Variants in HHLA2 observed in about 807,000 individuals in gnomAD.
HHLA2 encodes the protein HERV-H LTR-associating protein 2.
HHLA2 carries 48 observed loss-of-function variants against 45.9 expected under a neutral mutation model. That is an observed-to-expected ratio of 1.05 (90% CI 0.83 to 1.33). The LOEUF (loss-of-function observed/expected upper bound fraction) is 1.33. HHLA2 is among the 40% of genes most tolerant of loss of function. The pLI, the probability that HHLA2 is intolerant of heterozygous loss-of-function variation, is 0.00. For missense variants in HHLA2, 462 were observed against 494.3 expected (o/e 0.93, Z 0.62); for synonymous variants, 161 against 173.9 (o/e 0.93, Z 0.59).
chr3:108,312,817 T>C (rs1440854628), intron 2 of HHLA2, among the ~76,000 whole-genome samples: 1 of 152,232 alleles, frequency 6.6e-6, no homozygotes, highest in Non-Finnish European at 1.5e-5. Context: ...TTTCTGGCTC[T>C]GCCTCAAGGG....
exon 6 of HHLA2, chr3:108,355,258 G>A (rs201761554): frequency 6.2e-7 from 1 of 1,613,868 alleles, no homozygotes; most frequent in Non-Finnish European, 8.5e-7. Context: ...GGAAGAAACA[G>A]GGTCTTTGGA....
intron 3 of HHLA2, among the ~76,000 whole-genome samples, chr3:108,341,978 C>T (rs184669597): frequency 5.0e-4 from 76 of 152,314 alleles, no homozygotes; most frequent in Non-Finnish European, 8.1e-4. Flanking sequence ...ATGTTCTGCT[C>T]TTGCATCCAA....
At position 108,322,942 on chromosome 3, in the gene HHLA2, G is replaced by A. The variant is rs149267184; in HGVS notation, c.-104-5328G>A. 1.7e-3 allele frequency among the ~76,000 whole-genome samples: 257 copies of A among 152,130 alleles called. 1 individual carries two copies. Among genetic ancestry groups the A allele is most frequent in the Middle Eastern group, 3.4e-3 (1 of 294 alleles). The stretch of plus-strand genomic sequence containing the variant: ...GAGTACTATATGGTACAAGTTGGTG[G>A]ACTTTCACATTTTCCCATTAACTAC... On this transcript the variant is annotated intron_variant, in intron 2 of 10. Coordinates refer to ENST00000619531, the Ensembl canonical transcript of HHLA2.
chr3:108,307,352 T>A (rs2080946675), intron 1 of HHLA2, among the ~76,000 whole-genome samples: 1 of 152,126 alleles, frequency 6.6e-6, no homozygotes, highest in African/African-American at 2.4e-5. Flanking sequence ...AGAGTTCTTG[T>A]TGGCCAGGCG....
At chr3:108,353,313 T>G (rs2081814690) in intron 4 of HHLA2, 114 bp from the exon 4 acceptor site, 3 of 628,202 alleles carry the variant, frequency 4.8e-6, no homozygotes, top group Non-Finnish European at 8.1e-6. Flanking sequence ...GATTATGTGG[T>G]CTACTAATAA....
At chr3:108,345,883 T>C (rs1297715134) in intron 3 of HHLA2, among the ~76,000 whole-genome samples, 3 of 152,202 alleles carry the variant, frequency 2.0e-5, no homozygotes, top group East Asian at 1.9e-4. Flanking sequence ...GGGCAACTTA[T>C]AGATAAATTC....
chr3:108,320,569 T>G lies in HHLA2; in HGVS notation c.-104-7701T>G, dbSNP rs963259905. Among the ~76,000 whole-genome samples, 13 of 152,288 alleles carry G rather than the reference T, an allele frequency of 8.5e-5. No homozygotes were observed. In the East Asian group the frequency reaches 1.4e-3, roughly 16 times the overall value. The stretch of plus-strand genomic sequence containing the variant: ...TAGAATTTAGGGTTATGCATTCCCT[T>G]GGTTTTCTTCATAGTTTTCATAGTT... On this transcript the variant is annotated intron_variant, in intron 2 of 10. Transcript: ENST00000619531.
intron 7 of HHLA2, 124 bp from the exon 7 acceptor site, chr3:108,362,218 C>G: frequency 1.5e-6 from 1 of 679,458 alleles, no homozygotes; most frequent in South Asian, 2.0e-5. Flanking sequence ...AGCCTCCTAC[C>G]TGTAATGCAG....
At chr3:108,372,413 A>T (rs2082194377) in intron 8 of HHLA2, among the ~76,000 whole-genome samples, 1 of 152,000 alleles carries the variant, frequency 6.6e-6, no homozygotes, top group African/African-American at 2.4e-5. Flanking sequence ...CACAATTAAA[A>T]GAACTAGAGA....
At chr3:108,327,444 T>G (rs934663853) in intron 2 of HHLA2, among the ~76,000 whole-genome samples, 3 of 152,210 alleles carry the variant, frequency 2.0e-5, no homozygotes, top group Non-Finnish European at 4.4e-5. Context: ...ATTTCACTTA[T>G]GCTTTCTCAC....
At chr3:108,329,959 T>A (rs2081355630) in intron 3 of HHLA2, among the ~76,000 whole-genome samples, 1 of 152,042 alleles carries the variant, frequency 6.6e-6, no homozygotes, top group Admixed American at 6.6e-5. Flanking sequence ...TTTAATGGGG[T>A]TGCAGTTAAG....
Position 108,345,840 on chromosome 3 carries a change from C to T in HHLA2, c.-26-5948C>T, listed in dbSNP as rs1454844923. On this transcript the variant is annotated intron_variant, in intron 3 of 10. Transcript: ENST00000619531. Reference sequence around the variant, plus strand: ...GGCACAACCAGGAAGAGCATAGGAGCTAATGCCAATGGGGAAAACTTTAAC... The same window carrying T: ...GGCACAACCAGGAAGAGCATAGGAGTTAATGCCAATGGGGAAAACTTTAAC... Among the ~76,000 whole-genome samples the T allele has an allele frequency of 2.0e-5, 3 of 152,320 alleles. No individual in the cohort carries two copies. The East Asian group carries it at 5.8e-4, about 29-fold the overall frequency.
chr3:108,311,699 A>G (rs912326889), intron 2 of HHLA2: 13 of 152,202 alleles, frequency 8.5e-5, no homozygotes, highest in Non-Finnish European at 1.9e-4. Context: ...TACATGGTAT[A>G]TACACATTTG....
At chr3:108,318,518 C>T (rs902428346) in intron 2 of HHLA2, among the ~76,000 whole-genome samples, 14 of 152,168 alleles carry the variant, frequency 9.2e-5, no homozygotes, top group Non-Finnish European at 1.5e-4. Context: ...GAAAACAATG[C>T]CTGCACTTAG....
intron 2 of HHLA2, chr3:108,328,232 T>C (rs2081322759): frequency 4.1e-6 from 4 of 980,654 alleles, no homozygotes; most frequent in Non-Finnish European, 5.7e-6. Context: ...GGGGCATTGA[T>C]ACTCTGGAAT....
chr3:108,370,036 G>T (rs567092344), intron 8 of HHLA2, among the ~76,000 whole-genome samples: 1 of 151,566 alleles, frequency 6.6e-6, no homozygotes, highest in African/African-American at 2.4e-5. Flanking sequence ...CCTGACCCCC[G>T]AGTGGCCTAA....
At chr3:108,357,913 C>G in exon 7 of HHLA2, 1 of 1,613,724 alleles carries the variant, frequency 6.2e-7, no homozygotes, top group Non-Finnish European at 8.5e-7. Context: ...TATTTTTCAC[C>G]AAACCAAGAC....
chr3:108,302,294 C>T (rs1384931868), intron 1 of HHLA2, among the ~76,000 whole-genome samples: 1 of 152,142 alleles, frequency 6.6e-6, no homozygotes. Context: ...TACCTGGAAA[C>T]CATGATTACT....
intron 8 of HHLA2, among the ~76,000 whole-genome samples, chr3:108,366,113 G>A (rs1469275971): frequency 6.6e-6 from 1 of 152,170 alleles, no homozygotes; most frequent in Non-Finnish European, 1.5e-5. Flanking sequence ...TTGGCTATGG[G>A]TTTGTCATAA....
Sources: allele counts gnomAD v4.1 joint callset (sites outside exome capture counted in the v4.1 genomes callset), GRCh38; gene constraint gnomAD v4.1.1; transcripts MANE v1.5; gene names NCBI Gene and HGNC (gene_info 2026-07-23, HGNC 2026-07-21).